EYA2: variants seen among roughly 807,000 people sequenced by gnomAD.
The protein encoded by EYA2 is EYA transcriptional coactivator and phosphatase 2.
EYA2 carries 31 observed loss-of-function variants against 69.2 expected under a neutral mutation model. The observed-to-expected ratio is 0.45, with a 90% CI of 0.34 to 0.60. The LOEUF (loss-of-function observed/expected upper bound fraction) is 0.60, where lower values mean the gene tolerates loss of function less well. EYA2 is among the 20% of genes least tolerant of loss of function. The pLI is 0.02. For synonymous variants in EYA2, 257 were observed against 279.4 expected (o/e 0.92, Z 0.80); for missense variants, 622 against 701.2 (o/e 0.89, Z 1.28).
chr20:47,046,198 T>C (rs993789844), intron 5 of EYA2, among the ~76,000 whole-genome samples: 1 of 152,204 alleles, frequency 6.6e-6, no homozygotes, highest in Non-Finnish European at 1.5e-5. Flanking sequence ...GGGGCTTCTT[T>C]TATAAGGGGC....
chr20:47,178,972 A>G (rs1290454343), intron 12 of EYA2, among the ~76,000 whole-genome samples: 1 of 152,056 alleles, frequency 6.6e-6, no homozygotes, highest in Admixed American at 6.6e-5. Flanking sequence ...TATAGAAATA[A>G]AAATGGTGTC....
chr20:46,969,809 T>C (rs966188905), intron 1 of EYA2, among the ~76,000 whole-genome samples: 4 of 152,200 alleles, frequency 2.6e-5, no homozygotes, highest in Non-Finnish European at 4.4e-5. Context: ...GGAATGTGCT[T>C]CAGGCTGTTG....
At chr20:46,953,873 A>C (rs1384003220) in intron 1 of EYA2, among the ~76,000 whole-genome samples, 4 of 152,204 alleles carry the variant, frequency 2.6e-5, no homozygotes, top group Non-Finnish European at 4.4e-5. Context: ...TGGGATGACC[A>C]TGCCACTCTC....
Position 47,143,064 on chromosome 20 carries a change from C to T in EYA2, c.894C>T (p.Thr298=). 1 of 1,613,478 alleles carries T rather than the reference C, an allele frequency of 6.2e-7. No individual in the cohort carries two copies. Among genetic ancestry groups the T allele is most frequent in the Non-Finnish European group, 8.5e-7 (1 of 1,179,710 alleles). ...GTFASRYGKD[T]TTSVRIGLMM... ...TCCCCTTCTCTGCCTCGCAGGACAC[C>T]ACGACGTCCGTGCGCATTGGCCTTA... The change falls in exon 10 of 16, where the codon ACC becomes ACT. Residue 298 remains threonine (T), a synonymous_variant. Coordinates refer to ENST00000327619, the MANE Select transcript of EYA2 (RefSeq NM_005244.5).
At chr20:46,974,876 C>A (rs1345562652) in intron 1 of EYA2, among the ~76,000 whole-genome samples, 3 of 152,098 alleles carry the variant, frequency 2.0e-5, no homozygotes, top group Admixed American at 2.0e-4. Flanking sequence ...TGTCACTGCA[C>A]GTTGGGTGCC....
intron 1 of EYA2, among the ~76,000 whole-genome samples, chr20:46,940,969 T>G (rs962666283): frequency 1.3e-5 from 2 of 152,168 alleles, no homozygotes; most frequent in Non-Finnish European, 2.9e-5. Flanking sequence ...CAAGCACCAT[T>G]TCTGACTTTT....
At chr20:47,005,509 G>C (rs1269628837) in intron 4 of EYA2, among the ~76,000 whole-genome samples, 1 of 152,200 alleles carries the variant, frequency 6.6e-6, no homozygotes, top group Non-Finnish European at 1.5e-5. Context: ...TTTTATCTCT[G>C]CATGCCCAGT....
rs544335470 is a variant in EYA2, at chr20:46,902,562, G to A, written c.-11+7575G>A. 6.6e-5 allele frequency among the ~76,000 whole-genome samples: 10 copies of A among 152,332 alleles called. 1 individual carries two copies. The highest frequency in any genetic ancestry group is 2.2e-4 in the African/African-American group (9 of 41,572). ...CCACTAGGATGTCCAGCCTGCTCCC[G>A]TGGTATAACAAGAACTTCCCTTTCT... On this transcript the variant is annotated intron_variant, in intron 1 of 15. Coordinates refer to ENST00000327619, the MANE Select transcript of EYA2 (RefSeq NM_005244.5).
rs1046585732 is a variant in EYA2 at position 47,172,655 on chromosome 20, A to T, written c.1038-52A>T. Reference sequence around the variant, plus strand: ...CAGAGCCTGTGGTCTCCCAGGGAAGATGCCCTGCACCCCCCTGCACTAACA... The same window carrying T: ...CAGAGCCTGTGGTCTCCCAGGGAAGTTGCCCTGCACCCCCCTGCACTAACA... On this transcript the variant is annotated intron_variant, in intron 11 of 15. Transcript: ENST00000327619. The T allele has an allele frequency of 1.9e-5, 29 of 1,532,176 alleles. No individual in the cohort carries two copies. The East Asian group carries it at 2.3e-4, about 12-fold the overall frequency. The allele number at this position is 1,532,176 out of a possible 1,614,324, so 94.9% of individuals were successfully genotyped here.
intron 10 of EYA2, among the ~76,000 whole-genome samples, chr20:47,163,380 A>G (rs1231545845): frequency 6.6e-6 from 1 of 152,068 alleles, no homozygotes; most frequent in African/African-American, 2.4e-5. Flanking sequence ...GATGTCTTGG[A>G]ACCATTTCCA....
Position 47,089,299 on chromosome 20 carries a change from C to A in EYA2, c.722C>A (p.Pro241Gln). 6.2e-7 allele frequency: 1 copy of A among 1,614,126 alleles called. No homozygotes were observed. The highest frequency in any genetic ancestry group is 8.5e-7 in the Non-Finnish European group (1 of 1,180,018). ...GCGAAAGAGGGAGACACAGACAGGC[C>A]GCACCGGGCCTCCGACGGGAAGCTC... ...TPAKEGDTDR[P>Q]HRASDGKLRG... is the part of the protein sequence containing the mutation. The change falls in exon 8 of 16, where the codon CCG becomes CAG. Residue 241 changes from proline (P) to glutamine (Q), a missense_variant. Physicochemically the swap from Pro to Gln is moderately conservative, Grantham distance 76 (BLOSUM62 -1). Around this residue, in one of 2 missense-constraint regions of EYA2, gnomAD observed 365 missense variants for 349.7 expected, o/e 1.04. Transcript: ENST00000327619.
intron 8 of EYA2, among the ~76,000 whole-genome samples, chr20:47,094,061 C>G (rs962695314): frequency 6.6e-6 from 1 of 152,174 alleles, no homozygotes; most frequent in African/African-American, 2.4e-5. Context: ...CTGGTCTGCA[C>G]CATGATGGCC....
At chr20:46,982,103 T>C (rs1231200045) in intron 1 of EYA2, among the ~76,000 whole-genome samples, 1 of 152,202 alleles carries the variant, frequency 6.6e-6, no homozygotes, top group Non-Finnish European at 1.5e-5. Context: ...ATATTTACCC[T>C]TTTATGTTGT....
chr20:46,980,592 G>A (rs1253518385), intron 1 of EYA2, among the ~76,000 whole-genome samples: 5 of 152,112 alleles, frequency 3.3e-5, no homozygotes, highest in Admixed American at 2.0e-4. Context: ...CCTTAGATAT[G>A]TATCTTTTCT....
intron 12 of EYA2, among the ~76,000 whole-genome samples, chr20:47,178,054 G>C (rs917093210): frequency 6.6e-6 from 1 of 152,216 alleles, no homozygotes; most frequent in African/African-American, 2.4e-5. Context: ...CGTAAGGCAG[G>C]ATGCAGAGGT....
chr20:46,974,374 T>C (rs1472186379), intron 1 of EYA2, among the ~76,000 whole-genome samples: 1 of 152,320 alleles, frequency 6.6e-6, no homozygotes, highest in Non-Finnish European at 1.5e-5. Context: ...ATGCCCTTGC[T>C]CTGTAGACTC....
At chr20:46,928,642 G>A (rs1985518084) in intron 1 of EYA2, among the ~76,000 whole-genome samples, 1 of 152,210 alleles carries the variant, frequency 6.6e-6, no homozygotes, top group Non-Finnish European at 1.5e-5. Context: ...TGCCCTCCGG[G>A]AGCTGTTGCA....
At chr20:47,044,690 T>C (rs1298660392) in intron 5 of EYA2, among the ~76,000 whole-genome samples, 1 of 152,216 alleles carries the variant, frequency 6.6e-6, no homozygotes, top group Non-Finnish European at 1.5e-5. Flanking sequence ...TGCCAAGTGC[T>C]TAACTAACAT....
chr20:47,032,209 A>C (rs897086160), intron 5 of EYA2, among the ~76,000 whole-genome samples: 14 of 152,162 alleles, frequency 9.2e-5, no homozygotes, highest in African/African-American at 3.4e-4. Context: ...TCAGGTGGTA[A>C]AGCGGGGACC....
Sources: allele counts gnomAD v4.1 joint callset (sites outside exome capture counted in the v4.1 genomes callset), GRCh38; gene constraint gnomAD v4.1.1; regional missense constraint gnomAD v4.1.1; transcripts MANE v1.5; gene names NCBI Gene and HGNC (gene_info 2026-07-23, HGNC 2026-07-21).